Variants in AKR1C4 observed in about 807,000 individuals in gnomAD.
AKR1C4 encodes the protein aldo-keto reductase family 1 member C4.
AKR1C4 carries 44 observed loss-of-function variants against 41.0 expected under a neutral mutation model. The ratio of observed to expected loss-of-function variants is 1.07; its 90% CI spans 0.84 to 1.38. The LOEUF (loss-of-function observed/expected upper bound fraction) is 1.38, where lower values mean the gene tolerates loss of function less well. Ranked by LOEUF, AKR1C4 falls within the 40% of genes most tolerant of loss-of-function variation. The pLI, the probability that AKR1C4 is intolerant of heterozygous loss-of-function variation, is 0.00. For missense variants in AKR1C4, 438 were observed against 387.9 expected, an observed-to-expected ratio of 1.13 and a Z score of -1.09; for synonymous variants, 165 against 137.7, an observed-to-expected ratio of 1.20 and a Z score of -1.39.
At chr10:5,204,599 C>A (rs782730164) in intron 3 of AKR1C4, 106 bp downstream of exon 3, 1 of 887,720 alleles carries the variant, frequency 1.1e-6, no homozygotes, top group Non-Finnish European at 1.9e-6. Flanking sequence ...TATTACATGG[C>A]AGAAGAGTCC....
intron 5 of AKR1C4, among the ~76,000 whole-genome samples, chr10:5,211,052 C>T (rs1554797882): frequency 6.6e-6 from 1 of 152,208 alleles, no homozygotes; most frequent in Non-Finnish European, 1.5e-5. Context: ...GATTGAGATG[C>T]AGGGCACCAA....
intron 7 of AKR1C4, among the ~76,000 whole-genome samples, chr10:5,214,539 T>C (rs1554798295): frequency 6.6e-6 from 1 of 152,226 alleles, no homozygotes; most frequent in East Asian, 1.9e-4. Context: ...TTTACGACCA[T>C]AGACCATATG....
chr10:5,204,662 C>T (rs886809552), intron 3 of AKR1C4, 169 bp downstream of exon 3: 12 of 757,068 alleles, frequency 1.6e-5, no homozygotes, highest in African/African-American at 5.1e-5. Context: ...CCTTCTGTAA[C>T]GTATGATGAC....
In AKR1C4 at chr10:5,204,399, C is replaced by T. The variant is rs61730888; in HGVS notation, c.275C>T (p.Pro92Leu). 6 of 1,613,608 alleles carry T rather than the reference C, an allele frequency of 3.7e-6. No homozygotes were observed. The African/African-American group carries it at 8.0e-5, about 22-fold the overall frequency. Reference protein sequence around the residue: ...TSKLWCTFFQPQMVQPALESS... With the variant: ...TSKLWCTFFQLQMVQPALESS... ...CAGCTTTGGTGCACTTTCTTTCAAC[C>T]ACAGATGGTCCAACCAGCCTTGGAA... Residue 92 changes from proline (P) to leucine (L), a missense_variant, in exon 3 of 9, where the codon CCA (proline) becomes CTA (leucine). Transcript: ENST00000263126.
intron 2 of AKR1C4, among the ~76,000 whole-genome samples, chr10:5,204,113 TCAAA>T (rs781793733): frequency 5.3e-5 from 8 of 152,226 alleles, no homozygotes; most frequent in African/African-American, 1.4e-4. Context: ...ATAATTTCTC[TCAAA>T]CACAGTTCAG....
At chr10:5,217,820 C>T (rs1832676627) in intron 8 of AKR1C4, among the ~76,000 whole-genome samples, 1 of 152,164 alleles carries the variant, frequency 6.6e-6, no homozygotes, top group Admixed American at 6.5e-5. Flanking sequence ...TAATATATAG[C>T]TGACAAAAGA....
At position 5,202,939 on chromosome 10, in the gene AKR1C4, T is replaced by TTGTGTGTGTGTG. The variant is rs57414547; in HGVS notation, c.253-1406_253-1395dup. Among the ~76,000 whole-genome samples the TTGTGTGTGTGTG allele has an allele frequency of 5.3e-3, 736 of 139,216 alleles. 8 individuals carry two copies. The highest frequency in any genetic ancestry group is 0.017 in the African/African-American group (588 of 35,622). The allele number at this position is 139,216 out of a possible 152,430, so 91.3% of individuals were successfully genotyped here. ...AGGGAGATTGGTCTATAGTTTTCTTTTGTGTGTGTGTGTGTGTGTGTGTGT... is the reference window on the plus strand; with the variant it reads ...AGGGAGATTGGTCTATAGTTTTCTTTTGTGTGTGTGTGTGTGTGTGTGTGTGTGTGTGTGTGT... On this transcript the variant is annotated intron_variant, in intron 2 of 8. Transcript: ENST00000263126.
intron 2 of AKR1C4, among the ~76,000 whole-genome samples, chr10:5,202,939 T>TTG (rs57414547): frequency 0.075 from 10,482 of 139,028 alleles, 458 homozygotes; most frequent in East Asian, 0.18. Flanking sequence ...TAGTTTTCTT[T>TTG]TGTGTGTGTG....
intron 7 of AKR1C4, among the ~76,000 whole-genome samples, chr10:5,215,684 G>A (rs75406471): frequency 0.14 from 20,965 of 152,182 alleles, 1,509 homozygotes; most frequent in Admixed American, 0.18. Context: ...AAGTTCTTTC[G>A]TAAGGTATAA....
chr10:5,197,006 G>C, intron 1 of AKR1C4, 55 bp downstream of exon 1: 20 of 1,560,666 alleles, frequency 1.3e-5, no homozygotes, highest in Non-Finnish European at 1.7e-5. Flanking sequence ...TAGAATAAGT[G>C]AACGATGACC....
At position 5,207,826 on chromosome 10, in the gene AKR1C4, A is replaced by G. The variant is rs184063530; in HGVS notation, c.570+1429A>G. ...ACAAATGCAAGACTGTCTACAGCCT[A>G]GTTTTCCTGTATGCCCTCCTGGGTG... On this transcript the variant is annotated intron_variant, in intron 5 of 8. Transcript: ENST00000263126. 246 of 291,542 alleles carry G rather than the reference A, an allele frequency of 8.4e-4. 1 individual carries two copies. Among genetic ancestry groups the G allele is most frequent in the African/African-American group, 5.2e-3 (227 of 43,724 alleles). 18.1% of individuals were successfully genotyped at this position (291,542 alleles called of 1,614,324 possible). A position where few individuals can be genotyped will look rare whatever the true frequency, so the allele number is the denominator to read the frequency against.
At chr10:5,209,144 T>A (rs1043152009) in intron 5 of AKR1C4, among the ~76,000 whole-genome samples, 1 of 152,184 alleles carries the variant, frequency 6.6e-6, no homozygotes, top group African/African-American at 2.4e-5. Context: ...GATGCTAATT[T>A]TGATCACTTG....
At position 5,218,751 on chromosome 10, in the gene AKR1C4, T is replaced by G; in HGVS notation, c.963T>G (p.Asp321Glu). ...ACCATCCTGATTATCCATTTTCAGA[T>G]GAATATTAGCATAGAGGGTGTTGCA... ...LMDHPDYPFS[D>E]EY Residue 321 changes from aspartate to glutamate, a missense_variant, in exon 9 of 9, where the codon GAT becomes GAG. Asp to Glu is a conservative substitution (Grantham distance 45). Transcript: ENST00000263126. 6.2e-7 allele frequency: 1 copy of G among 1,604,826 alleles called. No homozygotes were observed. Among genetic ancestry groups the G allele is most frequent in the Non-Finnish European group, 8.5e-7 (1 of 1,171,524 alleles).
chr10:5,207,579 GTC>G, intron 5 of AKR1C4: 1 of 900,924 alleles, frequency 1.1e-6, no homozygotes. Flanking sequence ...TGAAGAACTT[GTC>G]TCTCTCAGAA....
At chr10:5,211,881 T>C (rs1327607720) in intron 5 of AKR1C4, among the ~76,000 whole-genome samples, 1 of 152,148 alleles carries the variant, frequency 6.6e-6, no homozygotes, top group Non-Finnish European at 1.5e-5. Flanking sequence ...ATGTCTTACA[T>C]GGACAGCAGC....
At chr10:5,207,387 T>G in intron 5 of AKR1C4, 1 of 322,418 alleles carries the variant, frequency 3.1e-6, no homozygotes, top group Non-Finnish European at 6.3e-6. Flanking sequence ...ACTCCTGAGA[T>G]GTAGGTGGTC....
rs189851122 is a variant in AKR1C4, at chr10:5,208,242, G to A, written c.570+1845G>A. ...GTTTAGAAGCATTTATTCTGCGTATGGTTCTGTTCTCTTACTCTTTTACTA... is the reference window on the plus strand; with the variant it reads ...GTTTAGAAGCATTTATTCTGCGTATAGTTCTGTTCTCTTACTCTTTTACTA... On this transcript the variant is annotated intron_variant, in intron 5 of 8. Coordinates refer to ENST00000263126, the MANE Select transcript of AKR1C4 (RefSeq NM_001818.5). Among the ~76,000 whole-genome samples, 243 of 151,508 alleles carry A rather than the reference G, an allele frequency of 1.6e-3. 12 individuals are homozygous for A. Among genetic ancestry groups the A allele is most frequent in the African/African-American group, 5.6e-3 (229 of 40,900 alleles).
At position 5,207,673 on chromosome 10, in the gene AKR1C4, G is replaced by A. The variant is rs868936676; in HGVS notation, c.570+1276G>A. 2.3e-4 allele frequency: 211 copies of A among 926,090 alleles called. No individual in the cohort carries two copies. In the Middle Eastern group the frequency reaches 0.011, roughly 49 times the overall value. 57.4% of individuals were successfully genotyped at this position (926,090 alleles called of 1,614,324 possible). On this transcript the variant is annotated intron_variant, in intron 5 of 8. Transcript: ENST00000263126. ...GCCTACCTGTGCAATCATAGGACAT[G>A]AAATAAAGGAAGGACTTGAGAAACT...
In AKR1C4 at chr10:5,205,207, A is replaced by C. The variant is rs183358588; in HGVS notation, c.370-550A>C. Among the ~76,000 whole-genome samples the C allele has an allele frequency of 6.6e-5, 10 of 152,336 alleles. No homozygotes were observed. In the East Asian group the frequency reaches 1.9e-3, roughly 29 times the overall value. On this transcript the variant is annotated intron_variant, in intron 3 of 8. Coordinates refer to ENST00000263126, the MANE Select transcript of AKR1C4 (RefSeq NM_001818.5). ...AAGAAGTTTTCTGGATTTTTGTCCC[A>C]GCCTTTTTGATTGTTGGCAATGATA...
Sources: allele counts gnomAD v4.1 joint callset (sites outside exome capture counted in the v4.1 genomes callset), GRCh38; gene constraint gnomAD v4.1.1; transcripts MANE v1.5; gene names NCBI Gene and HGNC (gene_info 2026-07-23, HGNC 2026-07-21).